Variants in TRIM14 observed in about 807,000 individuals in gnomAD.
TRIM14 encodes the protein tripartite motif containing 14.
A neutral mutation model predicts 44.5 loss-of-function variants in TRIM14; 28 were observed. The ratio of observed to expected loss-of-function variants is 0.63; its 90% CI spans 0.47 to 0.86. The LOEUF (loss-of-function observed/expected upper bound fraction) is 0.86. Ranked by LOEUF, TRIM14 falls within the 40% of genes least tolerant of loss-of-function variation. The probability of loss-of-function intolerance (pLI) is 0.00; values close to 1 mark genes in which losing one functional copy is unlikely to be tolerated. For missense variants in TRIM14, 607 were observed against 611.1 expected, an observed-to-expected ratio of 0.99 and a Z score of 0.07; for synonymous variants, 299 against 269.2, an observed-to-expected ratio of 1.11 and a Z score of -1.08.
At chr9:98,046,147 GA>G in the TRIM14 span, among the ~76,000 whole-genome samples, 1 of 151,678 alleles carries the variant, frequency 6.6e-6, no homozygotes, top group African/African-American at 2.4e-5. Context: ...GCTTACACAG[GA>G]AAAAAAATCA....
At chr9:98,057,212 T>A in the TRIM14 span, among the ~76,000 whole-genome samples, 4 of 152,348 alleles carry the variant, frequency 2.6e-5, no homozygotes, top group Admixed American at 1.3e-4. Flanking sequence ...TCAGACTTGA[T>A]CAGACCATCC....
chr9:98,087,562 G>A lies in TRIM14; in HGVS notation c.1237C>T (p.His413Tyr). The A allele has an allele frequency of 6.3e-7, 1 of 1,596,618 alleles. No homozygotes were observed. Among genetic ancestry groups the A allele is most frequent in the Non-Finnish European group, 8.5e-7 (1 of 1,173,950 alleles). The change falls in exon 6 of 6, where the codon CAC (histidine) becomes TAC (tyrosine). Residue 413 changes from histidine to tyrosine, a missense_variant. Coordinates refer to ENST00000341469, the MANE Select transcript of TRIM14 (RefSeq NM_014788.4). The part of the protein sequence containing the change: ...AFYDVTGGMS[H>Y]LHTFRATFQE... ...AACGTGGCGCGGAAGGTATGCAGGT[G>A]GCTCATGCCGCCCGTCACGTCGTAG...
chr9:98,077,849 C>T (rs1287449252), intron 6 of TRIM14, among the ~76,000 whole-genome samples: 1 of 152,228 alleles, frequency 6.6e-6, no homozygotes, highest in Admixed American at 6.5e-5. Flanking sequence ...CATTCATTCA[C>T]ACTCTTGAAT....
chr9:98,089,510 A>C (rs2118236701), intron 5 of TRIM14, among the ~76,000 whole-genome samples: 1 of 152,182 alleles, frequency 6.6e-6, no homozygotes, highest in Middle Eastern at 3.4e-3. Context: ...AATTATAACC[A>C]TTACCTTCCC....
At chr9:98,071,045 TCAAA>T (rs1829319035) in intron 6 of TRIM14, among the ~76,000 whole-genome samples, 1 of 151,850 alleles carries the variant, frequency 6.6e-6, no homozygotes, top group African/African-American at 2.4e-5. Flanking sequence ...ACTCTGGGCC[TCAAA>T]CAGTCTCCCA....
At chr9:98,078,481 A>G (rs1829694746) in intron 6 of TRIM14, 1 of 1,202,368 alleles carries the variant, frequency 8.3e-7, no homozygotes, top group East Asian at 2.4e-5. Context: ...TGCTGTTACC[A>G]AATCAAATTC....
At position 98,087,976 on chromosome 9, in the gene TRIM14, T is replaced by A. The variant is rs747298622; in HGVS notation, c.823A>T (p.Thr275Ser). The A allele has an allele frequency of 1.3e-6, 2 of 1,558,372 alleles. No individual in the cohort carries two copies. The highest frequency in any genetic ancestry group is 1.8e-5 in the Admixed American group (1 of 54,862). The stretch of plus-strand genomic sequence containing the variant: ...GACAGGCGCAGGCGCGCGTGCATCG[T>A]GTCAGGATCCAGCGTGGGCGTGCGC... ...YARTPTLDPD[T>S]MHARLRLSAD... Residue 275 changes from threonine to serine, a missense_variant, in exon 6 of 6, where the codon ACG becomes TCG. Thr to Ser is a moderately conservative substitution (Grantham distance 58, BLOSUM62 1). This residue lies in a region of TRIM14 where 356 missense variants were observed against 323.0 expected (regional missense o/e 1.10). Coordinates refer to ENST00000341469, the MANE Select transcript of TRIM14 (RefSeq NM_014788.4).
chr9:98,084,089 G>A (rs1381458808), downstream of TRIM14, among the ~76,000 whole-genome samples: 3 of 151,156 alleles, frequency 2.0e-5, no homozygotes, highest in Non-Finnish European at 4.4e-5. Context: ...ACTGGAGGGA[G>A]CTGTGATGTG....
intron 1 of TRIM14, among the ~76,000 whole-genome samples, chr9:98,114,002 T>C (rs7875438): frequency 0.089 from 13,605 of 152,242 alleles, 1,819 homozygotes; most frequent in African/African-American, 0.29. Context: ...AAATTAAGTC[T>C]TTTTGACCCA....
At chr9:98,098,780 G>C (rs1411291357) in intron 3 of TRIM14, among the ~76,000 whole-genome samples, 1 of 152,050 alleles carries the variant, frequency 6.6e-6, no homozygotes, top group Non-Finnish European at 1.5e-5. Context: ...GACTATCCCT[G>C]GGGCTAGTTC....
chr9:98,065,022 C>T (rs1313992200), downstream of TRIM14, among the ~76,000 whole-genome samples: 1 of 152,198 alleles, frequency 6.6e-6, no homozygotes, highest in Non-Finnish European at 1.5e-5. Flanking sequence ...AGGGGCCTCA[C>T]TCTGCATCCA....
intron 3 of TRIM14, among the ~76,000 whole-genome samples, chr9:98,098,135 T>C (rs895645440): frequency 6.6e-6 from 1 of 152,240 alleles, no homozygotes; most frequent in African/African-American, 2.4e-5. Context: ...CTTTTAGTTG[T>C]ACCCTGCCTT....
chr9:98,036,482 C>T, the TRIM14 span, among the ~76,000 whole-genome samples: 1 of 118,600 alleles, frequency 8.4e-6, no homozygotes, highest in African/African-American at 3.4e-5. Flanking sequence ...ACCTGGGTGA[C>T]AGAGTGAGAC....
At chr9:98,117,522 T>C (rs985246004) in intron 1 of TRIM14, among the ~76,000 whole-genome samples, 1 of 152,192 alleles carries the variant, frequency 6.6e-6, no homozygotes, top group African/African-American at 2.4e-5. Flanking sequence ...CTCAAACCCT[T>C]GGCCTCATGT....
chr9:98,057,372 G>T, the TRIM14 span, among the ~76,000 whole-genome samples: 2 of 152,088 alleles, frequency 1.3e-5, no homozygotes, highest in Non-Finnish European at 2.9e-5. Context: ...TTACTTTCAG[G>T]AATGACAGTT....
chr9:98,087,736 GGCGGGCGGCGGCCGAGGCCCC>G lies in TRIM14; in HGVS notation c.1042_1062del (p.Gly348_Arg354del). 1.3e-6 allele frequency: 2 copies of G among 1,569,376 alleles called. No individual in the cohort carries two copies. On this transcript the variant is annotated inframe_deletion, in exon 6 of 6. Coordinates refer to ENST00000341469, the MANE Select transcript of TRIM14 (RefSeq NM_014788.4). The stretch of plus-strand genomic sequence containing the variant: ...CACCAGGACTGGCGGTTGCAGCCCA[GGCGGGCGGCGGCCGAGGCCCC>G]GCGGCGCCGAAGGGAGGCGTAGGCC...
intron 1 of TRIM14, among the ~76,000 whole-genome samples, chr9:98,110,867 A>G (rs1826823325): frequency 6.6e-6 from 1 of 150,592 alleles, no homozygotes; most frequent in Non-Finnish European, 1.5e-5. Flanking sequence ...ATAAAATAAA[A>G]TAAAATAAAA....
At chr9:98,113,024 A>C (rs917287989) in intron 1 of TRIM14, among the ~76,000 whole-genome samples, 1 of 150,978 alleles carries the variant, frequency 6.6e-6, no homozygotes. Context: ...TAAGGCAGGA[A>C]AATTGCTTGT....
chr9:98,092,584 GT>G, intron 4 of TRIM14: 1 of 253,768 alleles, frequency 3.9e-6, no homozygotes, highest in East Asian at 1.2e-4. Flanking sequence ...CCTGCAGGCT[GT>G]TTAAATCAAG....
Sources: allele counts gnomAD v4.1 joint callset (sites outside exome capture counted in the v4.1 genomes callset), GRCh38; gene constraint gnomAD v4.1.1; regional missense constraint gnomAD v4.1.1; transcripts MANE v1.5; gene names NCBI Gene and HGNC (gene_info 2026-07-23, HGNC 2026-07-21).